ASAH1: variants seen among roughly 807,000 people sequenced by gnomAD.
ASAH1 encodes N-acylsphingosine amidohydrolase 1.
ASAH1 carries 70 observed loss-of-function variants against 59.5 expected under a neutral mutation model. The ratio of observed to expected loss-of-function variants is 1.18; its 90% CI spans 0.97 to 1.43. ASAH1 has a LOEUF of 1.43. ASAH1 is among the 40% of genes most tolerant of loss of function. ASAH1 has a pLI of 0.00. For missense variants in ASAH1, 660 were observed against 482.5 expected (o/e 1.37, Z -3.45); for synonymous variants, 213 against 166.5 (o/e 1.28, Z -2.15).
chr8:18,084,399 A>C (rs1800806773), upstream of ASAH1: 1 of 1,397,318 alleles, frequency 7.2e-7, no homozygotes, highest in Non-Finnish European at 9.3e-7. Context: ...TGGGGCCGGG[A>C]GCTTCACCCG....
chr8:18,063,452 T>A (rs1799793984), intron 6 of ASAH1: 1 of 483,142 alleles, frequency 2.1e-6, no homozygotes, highest in Non-Finnish European at 3.7e-6. Context: ...TACAGACATG[T>A]GCGACCGCAC....
upstream of ASAH1, chr8:18,084,160 C>T (rs1800791354): frequency 1.9e-6 from 3 of 1,557,966 alleles, no homozygotes; most frequent in Non-Finnish European, 2.6e-6. Flanking sequence ...GACCCGCGAC[C>T]TGGGACCGCA....
chr8:18,061,748 A>G lies in ASAH1; in HGVS notation c.649-8T>C, dbSNP rs143116317. The G allele has an allele frequency of 8.3e-4, 1,296 of 1,567,176 alleles. 6 individuals carry two copies. The African/African-American group carries it at 0.016, about 19-fold the overall frequency. On this transcript the variant is annotated splice_region_variant and splice_polypyrimidine_tract_variant and intron_variant, in intron 8 of 13. Transcript: ENST00000637790. ...TGTAAGACTGAACAGTCCCTGAGAA[A>G]AAGACAAAGCAACGAAGTCAGAAAC...
intron 2 of ASAH1, chr8:18,073,305 A>C (rs1564548505): frequency 6.4e-7 from 1 of 1,565,024 alleles, no homozygotes; most frequent in South Asian, 1.2e-5. Flanking sequence ...AATAAAAAAA[A>C]CACTTAGCAG....
Position 18,070,007 on chromosome 8 carries a change from A to G in ASAH1, c.217-129T>C, listed in dbSNP as rs35815009. ...TTATATATATATTTTTTAAAACAGC[A>G]TCTCGCTCTGTCACCCAGGCTGGAG... On this transcript the variant is annotated intron_variant, in intron 3 of 13. Transcript: ENST00000637790. 262,947 of 585,330 alleles carry G rather than the reference A, an allele frequency of 0.45. 61,569 individuals are homozygous for G. Among genetic ancestry groups the G allele is most frequent in the Admixed American group, 0.55 (18,413 of 33,274 alleles). The allele number at this position is 585,330 out of a possible 1,614,324, so 36.3% of individuals were successfully genotyped here. A position where few individuals can be genotyped will look rare whatever the true frequency, so the allele number is the denominator to read the frequency against.
chr8:18,069,929 G>C (rs750313962), intron 3 of ASAH1, 51 bp from the exon 4 acceptor site: 2 of 1,344,754 alleles, frequency 1.5e-6, no homozygotes, highest in South Asian at 2.4e-5. Flanking sequence ...ATGCTGTCAA[G>C]ATTACCTTTT....
intron 5 of ASAH1, 58 bp downstream of exon 5, chr8:18,067,162 G>A (rs924930850): frequency 5.0e-6 from 5 of 997,302 alleles, no homozygotes; most frequent in African/African-American, 3.8e-5. Context: ...ACACCTCAAT[G>A]GAAACTTGTA....
chr8:18,074,144 T>A (rs572810812), intron 2 of ASAH1, among the ~76,000 whole-genome samples: 32 of 152,294 alleles, frequency 2.1e-4, no homozygotes, highest in African/African-American at 7.5e-4. Context: ...GGAAGGCACC[T>A]CATTAAATGT....
At chr8:18,079,187 T>G (rs948041140) in intron 1 of ASAH1, among the ~76,000 whole-genome samples, 4 of 149,546 alleles carry the variant, frequency 2.7e-5, no homozygotes, top group African/African-American at 7.4e-5. Context: ...GTAGGAGAAT[T>G]GCCTGAAGCC....
chr8:18,058,276 T>C (rs760264748), intron 13 of ASAH1: 4 of 154,398 alleles, frequency 2.6e-5, no homozygotes, highest in Non-Finnish European at 5.7e-5. Context: ...AGGCGGCATG[T>C]TTACTTTAGG....
chr8:18,077,196 A>G (rs1800438906), intron 1 of ASAH1, among the ~76,000 whole-genome samples: 2 of 152,344 alleles, frequency 1.3e-5, no homozygotes, highest in South Asian at 4.1e-4. Context: ...ACAAGAGCAA[A>G]TGAAGCTCAT....
chr8:18,069,708 G>A (rs1351476978), intron 4 of ASAH1, 84 bp downstream of exon 4: 3 of 973,644 alleles, frequency 3.1e-6, no homozygotes, highest in East Asian at 2.5e-5. Flanking sequence ...TCCCTGCGAA[G>A]AGGTTGCTGA....
Position 18,059,453 on chromosome 8 carries a change from T to G in ASAH1, c.929A>C (p.Lys310Thr). ...ESLDVYELDA[K>T]QGRWYVVQTN... ...TTGTACCACATACCATCTACCCTGC[T>G]TAGCATCGAGTCTAGATACAAAAGG... Residue 310 changes from lysine to threonine, a missense_variant, in exon 12 of 14, where the codon AAG becomes ACG. Lys to Thr is a moderately conservative substitution (Grantham distance 78). Transcript: ENST00000637790. The G allele has an allele frequency of 6.2e-7, 1 of 1,614,226 alleles. No individual in the cohort carries two copies. Among genetic ancestry groups the G allele is most frequent in the Non-Finnish European group, 8.5e-7 (1 of 1,180,046 alleles).
intron 7 of ASAH1, 91 bp downstream of exon 7, chr8:18,063,094 T>G: frequency 2.4e-6 from 3 of 1,240,098 alleles, no homozygotes; most frequent in Non-Finnish European, 3.6e-6. Context: ...GGTCTTGAAC[T>G]CCTGACCTCG....
chr8:18,079,282 A>AAC (rs1800547791), intron 1 of ASAH1, among the ~76,000 whole-genome samples: 1 of 151,370 alleles, frequency 6.6e-6, no homozygotes, highest in Non-Finnish European at 1.5e-5. Flanking sequence ...CAGAAAAAAA[A>AAC]AAAAAACAAA....
rs200565354 is a variant in ASAH1 at position 18,059,586 on chromosome 8, T to G, written c.903A>C (p.Ser301=). 14 of 1,614,132 alleles carry G rather than the reference T, an allele frequency of 8.7e-6. No homozygotes were observed. Among genetic ancestry groups the G allele is most frequent in the Non-Finnish European group, 1.2e-5 (14 of 1,180,048 alleles). ...AACCTACTTACTCATATACATCCAA[T>G]GATTCCTTTCTGTCTCGTGTAATCA... is the stretch of plus-strand genomic sequence containing the variant. ...GCVITRDRKE[S]LDVYELDAKQ... The change falls in exon 11 of 14, where the codon TCA becomes TCC. Residue 301 remains serine (S), a synonymous_variant. Transcript: ENST00000637790.
intron 13 of ASAH1, 53 bp from the exon 14 acceptor site, chr8:18,057,676 T>G (rs1799529987): frequency 1.6e-6 from 2 of 1,260,914 alleles, no homozygotes; most frequent in African/African-American, 3.0e-5. Flanking sequence ...AGAGATGTTC[T>G]GATATATATT....
At chr8:18,080,703 G>A (rs1001675094) in intron 1 of ASAH1, among the ~76,000 whole-genome samples, 11 of 152,150 alleles carry the variant, frequency 7.2e-5, no homozygotes, top group Middle Eastern at 3.4e-3. Context: ...GACTACAGGC[G>A]TGAGCCACTA....
chr8:18,082,800 C>T (rs1336819746), intron 1 of ASAH1, among the ~76,000 whole-genome samples: 1 of 152,150 alleles, frequency 6.6e-6, no homozygotes, highest in East Asian at 1.9e-4. Flanking sequence ...TCCTGGTGGT[C>T]TTTCAATGAA....
Sources: allele counts gnomAD v4.1 joint callset (sites outside exome capture counted in the v4.1 genomes callset), GRCh38; gene constraint gnomAD v4.1.1; transcripts MANE v1.5; gene names NCBI Gene and HGNC (gene_info 2026-07-23, HGNC 2026-07-21).